Variants in FGF14 observed in about 807,000 individuals in gnomAD.
The protein encoded by FGF14 is fibroblast growth factor 14.
Under a neutral mutation model 25.5 loss-of-function variants are expected in FGF14, and 5 were observed. That is an observed-to-expected ratio of 0.20 (90% CI 0.10 to 0.41). FGF14 has a LOEUF of 0.41. FGF14 is among the 10% of genes least tolerant of loss of function. FGF14 has a pLI of 1.00. For synonymous variants in FGF14, 138 were observed against 118.3 expected (o/e 1.17, Z -1.08); for missense variants, 222 against 320.1 (o/e 0.69, Z 2.34).
At chr13:101,988,020 T>C (rs1377657513) in intron 1 of FGF14, among the ~76,000 whole-genome samples, 1 of 152,086 alleles carries the variant, frequency 6.6e-6, no homozygotes, top group Non-Finnish European at 1.5e-5. Context: ...ATAATATTTC[T>C]TGCATAAGAA....
At chr13:102,250,149 CAGAA>C (rs1260234157) in intron 1 of FGF14, among the ~76,000 whole-genome samples, 1 of 152,164 alleles carries the variant, frequency 6.6e-6, no homozygotes, top group Non-Finnish European at 1.5e-5. Flanking sequence ...GCCAAGCTGA[CAGAA>C]AGAAACAGAG....
chr13:102,010,616 T>C (rs1176587775), intron 1 of FGF14, among the ~76,000 whole-genome samples: 1 of 152,020 alleles, frequency 6.6e-6, no homozygotes, highest in African/African-American at 2.4e-5. Flanking sequence ...AAAACCTAGG[T>C]TTTAAAGTTG....
intron 1 of FGF14, among the ~76,000 whole-genome samples, chr13:102,103,175 C>A (rs964575342): frequency 1.3e-5 from 2 of 152,058 alleles, no homozygotes; most frequent in Non-Finnish European, 2.9e-5. Flanking sequence ...CTCTGTAGAA[C>A]AACCAAGTAG....
At chr13:101,950,851 T>C (rs2139388469) in intron 1 of FGF14, among the ~76,000 whole-genome samples, 1 of 139,276 alleles carries the variant, frequency 7.2e-6, no homozygotes, top group East Asian at 2.0e-4. Context: ...AGTGGTCAAA[T>C]TAAAAAATGG....
intron 1 of FGF14, among the ~76,000 whole-genome samples, chr13:102,086,168 T>C (rs969097700): frequency 2.6e-5 from 4 of 152,166 alleles, no homozygotes; most frequent in Non-Finnish European, 4.4e-5. Context: ...AACTTCCTGG[T>C]CTATAGTTAC....
At chr13:101,856,902 G>A (rs1465198670) in intron 3 of FGF14, among the ~76,000 whole-genome samples, 2 of 151,872 alleles carry the variant, frequency 1.3e-5, no homozygotes, top group Non-Finnish European at 1.5e-5. Context: ...GCTGTGACAG[G>A]CATCTCTTTT....
chr13:102,260,326 C>T (rs181931715), intron 1 of FGF14, among the ~76,000 whole-genome samples: 1 of 152,276 alleles, frequency 6.6e-6, no homozygotes, highest in Admixed American at 6.5e-5. Flanking sequence ...CTTGGAAACC[C>T]AACCACGCTT....
chr13:101,938,722 C>T (rs753817954), intron 1 of FGF14, among the ~76,000 whole-genome samples: 2 of 152,152 alleles, frequency 1.3e-5, no homozygotes, highest in Admixed American at 6.5e-5. Flanking sequence ...ATGTCTCTCC[C>T]TCACCACTAC....
chr13:101,826,408 C>A (rs527422775), intron 3 of FGF14, among the ~76,000 whole-genome samples: 1 of 151,934 alleles, frequency 6.6e-6, no homozygotes, highest in Non-Finnish European at 1.5e-5. Context: ...TTGAGTAGAC[C>A]GATCAGACAC....
intron 3 of FGF14, among the ~76,000 whole-genome samples, chr13:101,825,631 T>A (rs2042360883): frequency 6.6e-6 from 1 of 152,156 alleles, no homozygotes; most frequent in Non-Finnish European, 1.5e-5. Flanking sequence ...GCATACTGAA[T>A]CAGATTTTGA....
chr13:102,137,398 A>G (rs974612870), intron 1 of FGF14, among the ~76,000 whole-genome samples: 1 of 152,216 alleles, frequency 6.6e-6, no homozygotes, highest in Non-Finnish European at 1.5e-5. Context: ...GAAACTACAC[A>G]TAGTTGTCCA....
At chr13:101,725,817 T>G (rs751080198) in intron 4 of FGF14, among the ~76,000 whole-genome samples, 2 of 152,086 alleles carry the variant, frequency 1.3e-5, no homozygotes, top group Non-Finnish European at 2.9e-5. Context: ...AATATTTTTG[T>G]AATTCTCAAA....
chr13:101,841,735 A>G (rs992953016), intron 3 of FGF14, among the ~76,000 whole-genome samples: 1 of 151,920 alleles, frequency 6.6e-6, no homozygotes, highest in Non-Finnish European at 1.5e-5. Context: ...TCTGTAGGAC[A>G]CACAAACTGT....
At chr13:101,888,276 G>A (rs80208081) in intron 1 of FGF14, among the ~76,000 whole-genome samples, 7 of 152,036 alleles carry the variant, frequency 4.6e-5, no homozygotes, top group African/African-American at 7.2e-5. Flanking sequence ...TGCTGGTAGC[G>A]GTAACCTATT....
In FGF14 at chr13:101,948,711, T is replaced by A. The variant is rs1203908511; in HGVS notation, c.209-73415A>T. 1.3e-5 allele frequency among the ~76,000 whole-genome samples: 2 copies of A among 151,990 alleles called. 1 individual carries two copies. The highest frequency in any genetic ancestry group is 4.1e-4 in the South Asian group (2 of 4,822). On this transcript the variant is annotated intron_variant, in intron 1 of 4. Coordinates refer to the FGF14 transcript ENST00000376131. ...CAAAAATGAGTGGTAAATAAAAAGG[T>A]TTTTTTAATTATGAAAAAAGAACAA...
chr13:102,300,965 G>A (rs1463638030), intron 1 of FGF14, among the ~76,000 whole-genome samples: 1 of 140,790 alleles, frequency 7.1e-6, no homozygotes, highest in South Asian at 2.3e-4. Flanking sequence ...ACACACACAC[G>A]TTTAACCTTA....
chr13:101,717,136 A>T lies in FGF14; in HGVS notation c.*5695T>A, dbSNP rs555039672. On this transcript the variant is annotated 3_prime_UTR_variant, in exon 5 of 5. Transcript: ENST00000376143. ...TGGAAATTTTATTTTAATGATGTAA[A>T]TATTCTAGTCATGGCTTAAACTTTA... The T allele has an allele frequency of 2.8e-4, 43 of 152,264 alleles. No homozygotes were observed. The highest frequency in any genetic ancestry group is 9.9e-4 in the African/African-American group (41 of 41,570). 9.4% of individuals were successfully genotyped at this position (152,264 alleles called of 1,614,324 possible).
At chr13:102,012,052 C>A (rs909939006) in intron 1 of FGF14, among the ~76,000 whole-genome samples, 14 of 152,176 alleles carry the variant, frequency 9.2e-5, no homozygotes, top group Admixed American at 7.9e-4. Context: ...AAATGAGGGA[C>A]AGGAGTAAAA....
chr13:101,760,137 T>C (rs1238883200), intron 3 of FGF14, among the ~76,000 whole-genome samples: 1 of 152,176 alleles, frequency 6.6e-6, no homozygotes, highest in East Asian at 1.9e-4. Flanking sequence ...AAAGTATCCT[T>C]AGATGGAACT....
Sources: allele counts gnomAD v4.1 joint callset (sites outside exome capture counted in the v4.1 genomes callset), GRCh38; gene constraint gnomAD v4.1.1; transcripts MANE v1.5; gene names NCBI Gene and HGNC (gene_info 2026-07-23, HGNC 2026-07-21).